The following TBXAS1 variants were observed in gnomAD, a reference collection of about 807,000 sequenced individuals.
TBXAS1 encodes thromboxane A synthase 1, also known as thromboxane-A synthase.
TBXAS1 carries 48 observed loss-of-function variants against 60.7 expected under a neutral mutation model. The ratio of observed to expected loss-of-function variants is 0.79; its 90% CI spans 0.63 to 1.01. TBXAS1 has a LOEUF of 1.01. TBXAS1 is among the 50% of genes least tolerant of loss of function. TBXAS1 has a pLI of 0.00. For missense variants in TBXAS1, 685 were observed against 686.3 expected, an observed-to-expected ratio of 1.00 and a Z score of 0.02; for synonymous variants, 287 against 269.7, an observed-to-expected ratio of 1.06 and a Z score of -0.63.
chr7:139,869,473 C>T (rs1415888179), intron 1 of TBXAS1, among the ~76,000 whole-genome samples: 5 of 152,098 alleles, frequency 3.3e-5, no homozygotes, highest in African/African-American at 1.2e-4. Context: ...CTGCAACCTC[C>T]TCCTCCCAGG....
intron 5 of TBXAS1, chr7:139,952,577 A>G: frequency 1.3e-6 from 2 of 1,537,296 alleles, no homozygotes; most frequent in Non-Finnish European, 8.7e-7. Flanking sequence ...TGCAAGAGAG[A>G]ATAAAAGGTC....
At chr7:139,888,519 C>T (rs187972687) in intron 3 of TBXAS1, among the ~76,000 whole-genome samples, 164 of 152,230 alleles carry the variant, frequency 1.1e-3, no homozygotes, top group Middle Eastern at 3.4e-3. Flanking sequence ...TTCCCACAGT[C>T]TTTCCACTAT....
rs867574140 is a variant in TBXAS1 at position 139,899,025 on chromosome 7, A to G, written c.237-12200A>G. On this transcript the variant is annotated intron_variant, in intron 3 of 12. Coordinates refer to ENST00000448866, the MANE Select transcript of TBXAS1 (RefSeq NM_001061.7). ...ATTCTCCCTCTCCTTTTTTTTTTTC[A>G]TTGCAGAAGTCACATGCGCTCATTA... 7.4e-5 allele frequency among the ~76,000 whole-genome samples: 11 copies of G among 148,506 alleles called. No individual in the cohort carries two copies. The South Asian group carries it at 8.5e-4, about 12-fold the overall frequency.
chr7:139,872,453 G>C, intron 2 of TBXAS1, 125 bp downstream of exon 2: 1 of 871,772 alleles, frequency 1.1e-6, no homozygotes, highest in Middle Eastern at 2.8e-4. Context: ...TCAGGAGTTC[G>C]AGACCAGCCT....
intron 9 of TBXAS1, among the ~76,000 whole-genome samples, chr7:139,964,587 G>T (rs1197885990): frequency 6.6e-6 from 1 of 152,188 alleles, no homozygotes; most frequent in East Asian, 1.9e-4. Context: ...CAGTAAACCA[G>T]AAATCACACC....
rs1448667784 is a variant in TBXAS1, at chr7:139,916,200, T to A, written c.333+4879T>A. On this transcript the variant is annotated intron_variant, in intron 4 of 12. Coordinates refer to ENST00000448866, the MANE Select transcript of TBXAS1 (RefSeq NM_001061.7). The surrounding 1 kb of genome is among the most constrained non-coding windows in gnomAD (Gnocchi z 4.2). Reference sequence around the variant, plus strand: ...AGTCCACATGACTCAGCAGAAATGGTCACAACCAGAGGCAGAACTTCTTGT... The same window carrying A: ...AGTCCACATGACTCAGCAGAAATGGACACAACCAGAGGCAGAACTTCTTGT... Among the ~76,000 whole-genome samples, 2 of 152,138 alleles carry A rather than the reference T, an allele frequency of 1.3e-5. No individual in the cohort carries two copies. Among genetic ancestry groups the A allele is most frequent in the African/African-American group, 4.8e-5 (2 of 41,428 alleles).
rs183755041 is a variant in TBXAS1 at position 139,806,387 on chromosome 7, C to T, written c.-80+18961C>T. On this transcript the variant is annotated intron_variant, in intron 4 of 16. Transcript: ENST00000336425. ...AAGTGATTCTCATGCCTCAGCCTCT[C>T]GAGTAACTGGGATTACAGGCGCGCT... 3.1e-4 allele frequency among the ~76,000 whole-genome samples: 47 copies of T among 151,912 alleles called. No homozygotes were observed. The East Asian group carries it at 8.1e-3, about 26-fold the overall frequency.
rs960368874 is a variant in TBXAS1, at chr7:139,936,239, C to T, written c.382C>T (p.Arg128Cys). The T allele has an allele frequency of 1.4e-5, 23 of 1,614,078 alleles. No individual in the cohort carries two copies. The highest frequency in any genetic ancestry group is 1.9e-5 in the Non-Finnish European group (22 of 1,180,044). ...GGTAGCCGACAGCGTTCTGTTTTTACGTGACAAAAGATGGGAAGAGGTCAG... is the reference window on the plus strand; with the variant it reads ...GGTAGCCGACAGCGTTCTGTTTTTATGTGACAAAAGATGGGAAGAGGTCAG... The part of the protein sequence containing the change: ...KSVADSVLFL[R>C]DKRWEEVRGA... Residue 128 changes from arginine to cysteine, a missense_variant, in exon 5 of 13, where the codon CGT becomes TGT. Arg to Cys is a radical substitution (Grantham distance 180, BLOSUM62 -3). Transcript: ENST00000448866.
intron 8 of TBXAS1, among the ~76,000 whole-genome samples, chr7:139,959,038 C>CACACACACAT (rs1491510315): frequency 4.0e-5 from 6 of 149,280 alleles, no homozygotes; most frequent in African/African-American, 1.2e-4. Flanking sequence ...CACACACACA[C>CACACACACAT]GCATCCCTAG....
Position 139,962,024 on chromosome 7 carries a change from T to C in TBXAS1, c.925T>C (p.Cys309Arg). The change falls in exon 9 of 13, where the codon TGC (cysteine) becomes CGC (arginine). Residue 309 changes from cysteine (C) to arginine (R), a missense_variant. Physicochemically the swap from Cys to Arg is radical, Grantham distance 180 (BLOSUM62 -3). Coordinates refer to ENST00000448866, the MANE Select transcript of TBXAS1 (RefSeq NM_001061.7). ...CAGAGACGTTTTCTCCTCTACTGGG[T>C]GCAAGCCGAACCCTTCCCGGCAACA... Reference protein sequence around the residue: ...IVRDVFSSTGCKPNPSRQHQP... With the variant: ...IVRDVFSSTGRKPNPSRQHQP... The C allele has an allele frequency of 6.2e-7, 1 of 1,614,204 alleles. No homozygotes were observed. The highest frequency in any genetic ancestry group is 8.5e-7 in the Non-Finnish European group (1 of 1,180,028).
At chr7:139,955,310 C>A in intron 6 of TBXAS1, 149 bp from the exon 7 acceptor site, 2 of 1,053,338 alleles carry the variant, frequency 1.9e-6, no homozygotes, top group South Asian at 1.3e-5. Context: ...TCCACCTCCC[C>A]CCAGATCTGC....
At chr7:139,983,304 G>A (rs1249427263) in intron 9 of TBXAS1, among the ~76,000 whole-genome samples, 3 of 152,140 alleles carry the variant, frequency 2.0e-5, no homozygotes, top group Admixed American at 2.0e-4. Flanking sequence ...GGTGCCATCT[G>A]TGACATAAGA....
intron 6 of TBXAS1, 45 bp from the exon 7 acceptor site, chr7:139,955,414 C>A: frequency 6.2e-7 from 1 of 1,613,502 alleles, no homozygotes; most frequent in Non-Finnish European, 8.5e-7. Context: ...TGTGGGTAGC[C>A]CCTGCCAGAG....
At chr7:140,019,915 C>A in intron 12 of TBXAS1, 110 bp from the exon 13 acceptor site, 1 of 1,033,788 alleles carries the variant, frequency 9.7e-7, no homozygotes, top group Non-Finnish European at 1.5e-6. Context: ...CTGCTTTCTT[C>A]TTGTGTGACC....
intron 4 of TBXAS1, among the ~76,000 whole-genome samples, chr7:139,819,018 C>T (rs181659742): frequency 9.8e-5 from 15 of 152,348 alleles, no homozygotes; most frequent in Middle Eastern, 3.4e-3. Flanking sequence ...TGCCACCCTC[C>T]AGCCTGTTCT....
intron 9 of TBXAS1, among the ~76,000 whole-genome samples, chr7:139,987,025 A>G (rs1318346378): frequency 6.6e-6 from 1 of 152,160 alleles, no homozygotes; most frequent in East Asian, 1.9e-4. Flanking sequence ...TCTAGAAGCA[A>G]TTGGCCTGGG....
At chr7:139,825,942 G>A (rs1463913397), upstream of TBXAS1, among the ~76,000 whole-genome samples, 1 of 152,186 alleles carries the variant, frequency 6.6e-6, no homozygotes, top group Admixed American at 6.5e-5. Flanking sequence ...GAGTCTCTGA[G>A]GTCTGGCAGT....
chr7:139,985,895 T>C (rs1418208004), intron 9 of TBXAS1, among the ~76,000 whole-genome samples: 5 of 152,176 alleles, frequency 3.3e-5, no homozygotes, highest in South Asian at 2.1e-4. Context: ...GTGTGGACCA[T>C]CGGGGGCCTA....
At chr7:139,960,166 G>C (rs1488658542) in intron 8 of TBXAS1, among the ~76,000 whole-genome samples, 1 of 152,188 alleles carries the variant, frequency 6.6e-6, no homozygotes, top group Non-Finnish European at 1.5e-5. Flanking sequence ...GGCACCCATA[G>C]TCTTAACCTT....
Sources: gnomAD v4.1 joint callset for allele counts (sites outside exome capture counted in the v4.1 genomes callset) on GRCh38, gnomAD v4.1.1 for gene constraint, Gnocchi (gnomAD v3.1) non-coding constraint, MANE v1.5 for transcripts, NCBI Gene and HGNC (gene_info 2026-07-23, HGNC 2026-07-21) for gene names.